Variants in ROBO1 observed in about 807,000 individuals in gnomAD.
ROBO1 encodes the protein roundabout guidance receptor 1, also known as roundabout homolog 1.
In ROBO1, 149 loss-of-function variants were observed where a neutral mutation model predicts 195.9. The ratio of observed to expected loss-of-function variants is 0.76; its 90% CI spans 0.67 to 0.87. The LOEUF (loss-of-function observed/expected upper bound fraction) is 0.87, where lower values mean the gene tolerates loss of function less well. Among genes scored for constraint, ROBO1 ranks in the 40% least tolerant of loss-of-function variants. The pLI is 0.00. For missense variants in ROBO1, 1,933 were observed against 2,068.3 expected (o/e 0.93, Z 1.27); for synonymous variants, 816 against 733.2 (o/e 1.11, Z -1.82).
At chr3:79,135,722 T>C (rs9823929) in intron 2 of ROBO1, among the ~76,000 whole-genome samples, 114,618 of 151,792 alleles carry the variant, frequency 0.76, 43,348 homozygotes, top group Middle Eastern at 0.81. Context: ...ACCGCAACTT[T>C]CGCCTCCTGG....
At chr3:79,005,251 C>G (rs1380759436) in intron 3 of ROBO1, among the ~76,000 whole-genome samples, 1 of 152,188 alleles carries the variant, frequency 6.6e-6, no homozygotes, top group African/African-American at 2.4e-5. Context: ...TTCTCCCACT[C>G]AGACGTTATT....
chr3:78,792,228 T>C (rs960367221), intron 4 of ROBO1, among the ~76,000 whole-genome samples: 1 of 152,160 alleles, frequency 6.6e-6, no homozygotes, highest in Non-Finnish European at 1.5e-5. Flanking sequence ...GAATTTGTCT[T>C]ATAATTGAAT....
intron 4 of ROBO1, among the ~76,000 whole-genome samples, chr3:78,791,683 CT>C (rs1312310968): frequency 1.5e-4 from 23 of 152,164 alleles, no homozygotes; most frequent in Admixed American, 1.5e-3. Context: ...TGCTATTGAG[CT>C]TGTCACTTAC....
At chr3:78,819,440 T>G (rs1419621154) in intron 4 of ROBO1, among the ~76,000 whole-genome samples, 1 of 126,732 alleles carries the variant, frequency 7.9e-6, no homozygotes, top group Non-Finnish European at 1.8e-5. Flanking sequence ...CGTGTCCATA[T>G]TCTACAAAAA....
At chr3:78,732,601 G>A (rs1331135377) in intron 5 of ROBO1, among the ~76,000 whole-genome samples, 2 of 152,118 alleles carry the variant, frequency 1.3e-5, no homozygotes, top group Non-Finnish European at 2.9e-5. Context: ...TAAAGATGGG[G>A]AAATGTGGCA....
chr3:79,235,308 C>T (rs1452955207), intron 2 of ROBO1, among the ~76,000 whole-genome samples: 2 of 151,998 alleles, frequency 1.3e-5, no homozygotes, highest in Admixed American at 6.6e-5. Context: ...TAAGTGGTTG[C>T]ATTTGGGGAG....
chr3:78,971,110 G>C (rs770975050), intron 3 of ROBO1, among the ~76,000 whole-genome samples: 7 of 152,106 alleles, frequency 4.6e-5, no homozygotes, highest in African/African-American at 1.7e-4. Context: ...ATGTCCAGGG[G>C]CCAGCTGTGG....
At chr3:79,420,912 G>T (rs1360790561) in intron 2 of ROBO1, among the ~76,000 whole-genome samples, 3 of 152,022 alleles carry the variant, frequency 2.0e-5, no homozygotes, top group Non-Finnish European at 4.4e-5. Flanking sequence ...CTACCATAAA[G>T]ACACATGCAT....
At chr3:79,476,808 A>G (rs1246878168) in intron 2 of ROBO1, among the ~76,000 whole-genome samples, 2 of 152,082 alleles carry the variant, frequency 1.3e-5, no homozygotes, top group East Asian at 3.9e-4. Context: ...ACACTGGGTA[A>G]GGGGTACACT....
At chr3:79,542,718 G>A (rs1384066237) in intron 2 of ROBO1, among the ~76,000 whole-genome samples, 1 of 152,008 alleles carries the variant, frequency 6.6e-6, no homozygotes, top group Non-Finnish European at 1.5e-5. Context: ...AAGTGATTGA[G>A]TCTGTAATCA....
At chr3:78,732,394 G>A (rs1241221340) in intron 5 of ROBO1, among the ~76,000 whole-genome samples, 3 of 151,974 alleles carry the variant, frequency 2.0e-5, no homozygotes, top group African/African-American at 7.2e-5. Context: ...ATTAGTCCAT[G>A]TAACTGTCAG....
chr3:79,399,180 T>C (rs2037267575), intron 2 of ROBO1, among the ~76,000 whole-genome samples: 1 of 152,142 alleles, frequency 6.6e-6, no homozygotes, highest in African/African-American at 2.4e-5. Context: ...TGAGAAGTCA[T>C]AAGTCTGTGT....
At chr3:79,633,929 A>G (rs959999029) in intron 1 of ROBO1, among the ~76,000 whole-genome samples, 1 of 152,118 alleles carries the variant, frequency 6.6e-6, no homozygotes, top group South Asian at 2.1e-4. Context: ...CCTGCAGCAG[A>G]CACAGGAGCT....
intron 3 of ROBO1, among the ~76,000 whole-genome samples, chr3:78,947,177 T>C (rs553004840): frequency 1.3e-5 from 2 of 152,254 alleles, no homozygotes; most frequent in East Asian, 1.9e-4. Context: ...GCGGACCTAA[T>C]AGACATCTAC....
chr3:79,436,114 A>G (rs1049462360), intron 2 of ROBO1, among the ~76,000 whole-genome samples: 4 of 152,154 alleles, frequency 2.6e-5, no homozygotes, highest in African/African-American at 4.8e-5. Flanking sequence ...GTACAAAAGA[A>G]AGCTACTTTA....
chr3:79,133,468 G>A, intron 2 of ROBO1, among the ~76,000 whole-genome samples: 1 of 113,374 alleles, frequency 8.8e-6, no homozygotes. Context: ...TCTTCCAGTT[G>A]ATCGCATCGG....
chr3:78,839,742 C>A (rs2033045485), intron 4 of ROBO1, among the ~76,000 whole-genome samples: 1 of 152,142 alleles, frequency 6.6e-6, no homozygotes, highest in Non-Finnish European at 1.5e-5. Flanking sequence ...ATGAAAACCA[C>A]TTCTTTTCCT....
At chr3:79,531,256 G>A (rs936974856) in intron 2 of ROBO1, among the ~76,000 whole-genome samples, 3 of 151,974 alleles carry the variant, frequency 2.0e-5, no homozygotes, top group African/African-American at 7.3e-5. Flanking sequence ...AATATACTGA[G>A]CACCTACTAA....
intron 1 of ROBO1, among the ~76,000 whole-genome samples, chr3:79,703,153 A>C (rs188082424): frequency 2.0e-5 from 3 of 152,072 alleles, no homozygotes; most frequent in Admixed American, 2.0e-4. Context: ...TAGCATATGA[A>C]AATGTCTCAA....
Sources: allele counts gnomAD v4.1 joint callset (sites outside exome capture counted in the v4.1 genomes callset), GRCh38; gene constraint gnomAD v4.1.1; transcripts MANE v1.5; gene names NCBI Gene and HGNC (gene_info 2026-07-23, HGNC 2026-07-21).